Variants in PRKN observed in about 807,000 individuals in gnomAD.
The protein encoded by PRKN is parkin RBR E3 ubiquitin protein ligase, also known as E3 ubiquitin-protein ligase parkin.
In PRKN, 56 loss-of-function variants were observed where a neutral mutation model predicts 59.5. That is an observed-to-expected ratio of 0.94 (90% CI 0.76 to 1.18). PRKN has a LOEUF of 1.18. PRKN is among the 50% of genes most tolerant of loss of function. PRKN has a pLI of 0.00. For synonymous variants in PRKN, 250 were observed against 222.1 expected, an observed-to-expected ratio of 1.13 and a Z score of -1.12; for missense variants, 657 against 596.4, an observed-to-expected ratio of 1.10 and a Z score of -1.06.
chr6:161,365,037 C>T (rs1220958379), intron 10 of PRKN, among the ~76,000 whole-genome samples: 1 of 151,930 alleles, frequency 6.6e-6, no homozygotes, highest in Non-Finnish European at 1.5e-5. Context: ...GCAGAGGGTC[C>T]TTAGATTTTT....
chr6:162,239,457 T>A (rs1177582867), intron 3 of PRKN, among the ~76,000 whole-genome samples: 2 of 152,094 alleles, frequency 1.3e-5, no homozygotes. Flanking sequence ...TTATAGATGA[T>A]TAAATAGAGG....
intron 1 of PRKN, among the ~76,000 whole-genome samples, chr6:162,455,578 T>A (rs2128172410): frequency 6.6e-6 from 1 of 152,252 alleles, no homozygotes; most frequent in Middle Eastern, 3.4e-3. Context: ...ATATATGTGG[T>A]CCCTCATTGA....
At chr6:161,638,970 G>A (rs918859693) in intron 7 of PRKN, among the ~76,000 whole-genome samples, 1 of 151,958 alleles carries the variant, frequency 6.6e-6, no homozygotes, top group African/African-American at 2.4e-5. Flanking sequence ...TCAAACTCCT[G>A]ACCTCAGGTA....
chr6:161,352,771 A>T lies in PRKN; in HGVS notation c.1286-2560T>A, dbSNP rs867182375. ...TGTGTGTGTGTATATATATATATAT[A>T]TTTTATTTTATTTTATTTTATTTTT... is the stretch of plus-strand genomic sequence containing the variant. On this transcript the variant is annotated intron_variant, in intron 11 of 11. Transcript: ENST00000366898. This position sits in a 1 kb window ranked among gnomAD's most constrained non-coding sequence, Gnocchi z 5.8. 2.3e-3 allele frequency among the ~76,000 whole-genome samples: 266 copies of T among 116,880 alleles called. 1 individual carries two copies. Among genetic ancestry groups the T allele is most frequent in the East Asian group, 4.0e-3 (20 of 4,962 alleles). The allele number at this position is 116,880 out of a possible 152,430, so 76.7% of individuals were successfully genotyped here. A position where few individuals can be genotyped will look rare whatever the true frequency, so the allele number is the denominator to read the frequency against.
At chr6:161,873,344 G>T (rs1438352779) in intron 6 of PRKN, among the ~76,000 whole-genome samples, 1 of 151,914 alleles carries the variant, frequency 6.6e-6, no homozygotes, top group Admixed American at 6.6e-5. Context: ...ATATCCTGGG[G>T]CATAAGTTAT....
At chr6:161,707,546 A>C (rs1421651313) in intron 7 of PRKN, among the ~76,000 whole-genome samples, 1 of 152,222 alleles carries the variant, frequency 6.6e-6, no homozygotes, top group Non-Finnish European at 1.5e-5. Context: ...TCGACACAAC[A>C]AACACACTAA....
At position 161,385,145 on chromosome 6, in the gene PRKN, A is replaced by G. The variant is rs562151378; in HGVS notation, c.1167+1649T>C. On this transcript the variant is annotated intron_variant, in intron 10 of 11. Coordinates refer to ENST00000366898, the MANE Select transcript of PRKN (RefSeq NM_004562.3). This position sits in a 1 kb window ranked among gnomAD's most constrained non-coding sequence, Gnocchi z 4.9. ...GGGTTTCACCATGTTGGCCAGGCTGATCTCAATCTCTTGACCTCATGATCC... is the reference window on the plus strand; with the variant it reads ...GGGTTTCACCATGTTGGCCAGGCTGGTCTCAATCTCTTGACCTCATGATCC... Among the ~76,000 whole-genome samples, 17 of 152,024 alleles carry G rather than the reference A, an allele frequency of 1.1e-4. No individual in the cohort carries two copies. Among genetic ancestry groups the G allele is most frequent in the Non-Finnish European group, 1.6e-4 (11 of 67,952 alleles).
chr6:161,713,604 C>T (rs993691675), intron 7 of PRKN, among the ~76,000 whole-genome samples: 3 of 152,196 alleles, frequency 2.0e-5, no homozygotes, highest in Admixed American at 6.5e-5. Flanking sequence ...TCCTATTACA[C>T]CACAGCTCTT....
At chr6:162,014,299 C>T (rs1782848814) in intron 5 of PRKN, among the ~76,000 whole-genome samples, 1 of 152,208 alleles carries the variant, frequency 6.6e-6, no homozygotes, top group Non-Finnish European at 1.5e-5. Flanking sequence ...CAGAGCCCTG[C>T]ACAGTCAAGG....
rs11311692 is a variant in PRKN at position 161,458,913 on chromosome 6, G to GTT, written c.1084-72038_1084-72037dup. 2.8e-4 allele frequency among the ~76,000 whole-genome samples: 41 copies of GTT among 148,894 alleles called. 1 individual carries two copies. The highest frequency in any genetic ancestry group is 9.3e-4 in the African/African-American group (38 of 40,920). The stretch of plus-strand genomic sequence containing the variant: ...TATAATTACCAGAAGCCATTTTCAT[G>GTT]TTTTTTTTTTTCTTTTTAAAGTGCA... On this transcript the variant is annotated intron_variant, in intron 9 of 11. Transcript: ENST00000366898. This position sits in a 1 kb window ranked among gnomAD's most constrained non-coding sequence, Gnocchi z 6.1.
chr6:161,369,849 C>A lies in PRKN; in HGVS notation c.1168-9644G>T. On this transcript the variant is annotated intron_variant, in intron 10 of 11. Transcript: ENST00000366898. This position sits in a 1 kb window ranked among gnomAD's most constrained non-coding sequence, Gnocchi z 5.8. ...TATTTCATATACATATAGAGAGAGA[C>A]AGAGAGAATCAAAATTCCCTCAGAA... 1 of 276,318 alleles carries A rather than the reference C, an allele frequency of 3.6e-6. No individual in the cohort carries two copies. Among genetic ancestry groups the A allele is most frequent in the Non-Finnish European group, 8.1e-6 (1 of 123,162 alleles). The allele number at this position is 276,318 out of a possible 1,614,324, so 17.1% of individuals were successfully genotyped here.
rs1205719126 is a variant in PRKN, at chr6:161,360,189, T to G, written c.1184A>C (p.Glu395Ala). 1.9e-6 allele frequency: 3 copies of G among 1,613,580 alleles called. No homozygotes were observed. Among genetic ancestry groups the G allele is most frequent in the Non-Finnish European group, 2.5e-6 (3 of 1,179,566 alleles). The change falls in exon 11 of 12, where the codon GAA (glutamate) becomes GCA (alanine). Residue 395 changes from glutamate to alanine, a missense_variant. Coordinates refer to ENST00000366898, the MANE Select transcript of PRKN (RefSeq NM_004562.3). The surrounding 1 kb of genome is among the most constrained non-coding windows in gnomAD (Gnocchi z 5.1). ...GTTTQAYRVD[E>A]RAAEQARWEA... ...CCAACGAGCCTGCTCGGCGGCTCTTTCATCGACTCTGTAGGCCTGGGGAAA... is the reference window on the plus strand; with the variant it reads ...CCAACGAGCCTGCTCGGCGGCTCTTGCATCGACTCTGTAGGCCTGGGGAAA...
intron 7 of PRKN, among the ~76,000 whole-genome samples, chr6:161,723,634 C>T (rs1787319444): frequency 6.6e-6 from 1 of 152,136 alleles, no homozygotes; most frequent in Non-Finnish European, 1.5e-5. Context: ...CGACTGTAGA[C>T]ATGATCAATG....
rs151016329 is a variant in PRKN, at chr6:161,869,390, A to AAAAAT, written c.735-83487_735-83483dup. 3.9e-5 allele frequency among the ~76,000 whole-genome samples: 6 copies of AAAAAT among 152,044 alleles called. No homozygotes were observed. The South Asian group carries it at 8.3e-4, about 21-fold the overall frequency. On this transcript the variant is annotated intron_variant, in intron 6 of 11. Transcript: ENST00000366898. The stretch of plus-strand genomic sequence containing the variant: ...CAAGACTCCATCTCAAATAAAAAAT[A>AAAAAT]AAAATAAAATAAAATAAAATAAAAG...
Position 161,525,031 on chromosome 6 carries a change from T to C in PRKN, c.1083+23823A>G, listed in dbSNP as rs1255869928. 1.3e-5 allele frequency among the ~76,000 whole-genome samples: 2 copies of C among 152,218 alleles called. No individual in the cohort carries two copies. The highest frequency in any genetic ancestry group is 2.1e-4 in the South Asian group (1 of 4,836). On this transcript the variant is annotated intron_variant, in intron 9 of 11. Coordinates refer to ENST00000366898, the MANE Select transcript of PRKN (RefSeq NM_004562.3). The surrounding 1 kb of genome is among the most constrained non-coding windows in gnomAD (Gnocchi z 4.7). ...TTCAAAACATCAAATATGTTTGTTG[T>C]AGCTTGTTCTTACCTCTATTCTGCC...
At chr6:162,618,385 A>C (rs1352840838) in intron 1 of PRKN, among the ~76,000 whole-genome samples, 1 of 152,182 alleles carries the variant, frequency 6.6e-6, no homozygotes, top group Non-Finnish European at 1.5e-5. Context: ...CAGTTTCTAC[A>C]CTGCCTTTAT....
rs1284775035 is a variant in PRKN, at chr6:161,393,128, G to A, written c.1084-6251C>T. Among the ~76,000 whole-genome samples the A allele has an allele frequency of 6.6e-6, 1 of 152,082 alleles. No individual in the cohort carries two copies. Among genetic ancestry groups the A allele is most frequent in the Non-Finnish European group, 1.5e-5 (1 of 68,016 alleles). On this transcript the variant is annotated intron_variant, in intron 9 of 11. Transcript: ENST00000366898. The surrounding 1 kb of genome is among the most constrained non-coding windows in gnomAD (Gnocchi z 4.7). ...TGAGCTTTTTTGCATCTACAAAGAAGAAATAATAAGATAAAGAATATTTAA... is the reference window on the plus strand; with the variant it reads ...TGAGCTTTTTTGCATCTACAAAGAAAAAATAATAAGATAAAGAATATTTAA...
At chr6:161,883,757 A>G (rs922765352) in intron 6 of PRKN, among the ~76,000 whole-genome samples, 1 of 151,808 alleles carries the variant, frequency 6.6e-6, no homozygotes, top group Non-Finnish European at 1.5e-5. Flanking sequence ...GATTCAAGCA[A>G]TTTTCCTGCC....
intron 7 of PRKN, among the ~76,000 whole-genome samples, chr6:161,742,560 A>G (rs905281074): frequency 6.6e-6 from 1 of 152,172 alleles, no homozygotes; most frequent in Non-Finnish European, 1.5e-5. Context: ...TCCCATGTGC[A>G]TTGTGGAAAG....
Sources: allele counts gnomAD v4.1 joint callset (sites outside exome capture counted in the v4.1 genomes callset), GRCh38; gene constraint gnomAD v4.1.1; non-coding constraint Gnocchi (gnomAD v3.1); transcripts MANE v1.5; gene names NCBI Gene and HGNC (gene_info 2026-07-23, HGNC 2026-07-21).